The following F13A1 variants were observed in gnomAD, a reference collection of about 807,000 sequenced individuals.
F13A1 encodes FSF, A subunit.
F13A1 carries 47 observed loss-of-function variants against 80.1 expected under a neutral mutation model. The observed-to-expected ratio is 0.59, with a 90% confidence interval of 0.46 to 0.75. F13A1 has a LOEUF of 0.75. F13A1 is among the 30% of genes least tolerant of loss of function. F13A1 has a pLI of 0.00. For missense variants in F13A1, 817 were observed against 930.4 expected (o/e 0.88, Z 1.59); for synonymous variants, 349 against 344.9 (o/e 1.01, Z -0.13).
chr6:6,303,350 T>C (rs1227770873), intron 3 of F13A1, among the ~76,000 whole-genome samples: 4 of 152,160 alleles, frequency 2.6e-5, no homozygotes, highest in Non-Finnish European at 5.9e-5. Context: ...GGGATTCTAA[T>C]TGGAAATGCA....
chr6:6,255,489 G>A (rs971022416), intron 4 of F13A1, among the ~76,000 whole-genome samples: 1 of 152,138 alleles, frequency 6.6e-6, no homozygotes. Context: ...AGGATCGGAT[G>A]ACTGCGTCCC....
At chr6:6,275,755 G>T (rs1184549268) in intron 3 of F13A1, among the ~76,000 whole-genome samples, 1 of 152,178 alleles carries the variant, frequency 6.6e-6, no homozygotes, top group African/African-American at 2.4e-5. Flanking sequence ...TTCAAGCATG[G>T]GAGAACATGC....
intron 11 of F13A1, among the ~76,000 whole-genome samples, chr6:6,179,887 C>T (rs1180296969): frequency 3.3e-5 from 5 of 152,080 alleles, no homozygotes; most frequent in Non-Finnish European, 7.4e-5. Flanking sequence ...ATTTGTTATC[C>T]ACCCCCAGCC....
chr6:6,223,274 C>T (rs920126464), intron 7 of F13A1, among the ~76,000 whole-genome samples: 2 of 152,174 alleles, frequency 1.3e-5, no homozygotes, highest in South Asian at 4.1e-4. Flanking sequence ...ATTGGATAAC[C>T]TTTTTATGCC....
chr6:6,254,033 A>G (rs543095958), intron 4 of F13A1, among the ~76,000 whole-genome samples: 4 of 152,322 alleles, frequency 2.6e-5, no homozygotes, highest in African/African-American at 9.6e-5. Flanking sequence ...TTCAATAAAT[A>G]TATGAAAAAA....
chr6:6,279,823 C>T (rs1190327606), intron 3 of F13A1, among the ~76,000 whole-genome samples: 2 of 152,182 alleles, frequency 1.3e-5, no homozygotes, highest in Admixed American at 1.3e-4. Context: ...AATAAAGTGT[C>T]ATTAGCCAAC....
At chr6:6,272,620 C>T (rs1757938182) in intron 3 of F13A1, among the ~76,000 whole-genome samples, 1 of 152,108 alleles carries the variant, frequency 6.6e-6, no homozygotes, top group Non-Finnish European at 1.5e-5. Flanking sequence ...CGTAGGAGAG[C>T]CAGGGTCACA....
At chr6:6,284,539 A>G (rs569268185) in intron 3 of F13A1, among the ~76,000 whole-genome samples, 1 of 152,286 alleles carries the variant, frequency 6.6e-6, no homozygotes, top group South Asian at 2.1e-4. Context: ...ATAACAGCAG[A>G]CTGATTGCAT....
At chr6:6,274,884 G>A (rs966813794) in intron 3 of F13A1, among the ~76,000 whole-genome samples, 2 of 152,184 alleles carry the variant, frequency 1.3e-5, no homozygotes, top group Admixed American at 6.5e-5. Flanking sequence ...AATAAGGAAA[G>A]GATGGTGCAT....
At chr6:6,210,163 A>G (rs1200606015) in intron 8 of F13A1, among the ~76,000 whole-genome samples, 2 of 151,482 alleles carry the variant, frequency 1.3e-5, no homozygotes, top group African/African-American at 4.8e-5. Context: ...CTGGGAGGTC[A>G]AGGCTGCAGT....
chr6:6,280,780 T>C (rs1171150703), intron 3 of F13A1, among the ~76,000 whole-genome samples: 1 of 152,232 alleles, frequency 6.6e-6, no homozygotes, highest in Non-Finnish European at 1.5e-5. Flanking sequence ...CCCCACTGAT[T>C]TGCCTTTAAT....
At chr6:6,242,332 A>T (rs1351023612) in intron 6 of F13A1, among the ~76,000 whole-genome samples, 1 of 152,194 alleles carries the variant, frequency 6.6e-6, no homozygotes, top group Non-Finnish European at 1.5e-5. Flanking sequence ...TGGTTAAAAA[A>T]GTTTAGTCAT....
At chr6:6,147,537 T>C (rs911471550) in intron 14 of F13A1, among the ~76,000 whole-genome samples, 3 of 152,216 alleles carry the variant, frequency 2.0e-5, no homozygotes, top group African/African-American at 4.8e-5. Flanking sequence ...GGGATATTTA[T>C]TTCTCAACAG....
intron 6 of F13A1, among the ~76,000 whole-genome samples, chr6:6,229,239 G>A (rs553829474): frequency 1.2e-4 from 18 of 152,164 alleles, no homozygotes; most frequent in African/African-American, 4.1e-4. Flanking sequence ...GAGAGGGAGA[G>A]ATCATGAAAA....
At chr6:6,211,568 A>G (rs779404762) in intron 8 of F13A1, among the ~76,000 whole-genome samples, 5 of 152,254 alleles carry the variant, frequency 3.3e-5, no homozygotes, top group Non-Finnish European at 5.9e-5. Flanking sequence ...TGCTTTGCAG[A>G]CAGTGATTAA....
intron 4 of F13A1, 99 bp downstream of exon 4, chr6:6,266,459 A>G: frequency 6.3e-7 from 1 of 1,589,154 alleles, no homozygotes; most frequent in Non-Finnish European, 8.6e-7. Flanking sequence ...CGATCCTCCC[A>G]TCTTGGCCTC....
chr6:6,173,467 G>A (rs1760812165), intron 12 of F13A1, among the ~76,000 whole-genome samples: 1 of 150,850 alleles, frequency 6.6e-6, no homozygotes, highest in Non-Finnish European at 1.5e-5. Flanking sequence ...GAGGGCAGTG[G>A]CACGATCTCA....
At position 6,145,559 on chromosome 6, in the gene F13A1, T is replaced by A. The variant is rs1256509127; in HGVS notation, c.*60A>T. On this transcript the variant is annotated 3_prime_UTR_variant, in exon 15 of 15. Transcript: ENST00000264870. ...AGCAAGAGCTATTTTTGCGTTAGAA[T>A]TTCCTTAGCCAAGACTACAAGAGGC... 3 of 1,611,440 alleles carry A rather than the reference T, an allele frequency of 1.9e-6. No individual in the cohort carries two copies. The highest frequency in any genetic ancestry group is 2.5e-6 in the Non-Finnish European group (3 of 1,177,796).
At chr6:6,220,542 T>TGA (rs1491105299) in intron 8 of F13A1, among the ~76,000 whole-genome samples, 8 of 132,754 alleles carry the variant, frequency 6.0e-5, no homozygotes, top group African/African-American at 3.0e-4. Context: ...CTACAAAGGC[T>TGA]GTGTGTGTGT....
Sources: allele counts gnomAD v4.1 joint callset (sites outside exome capture counted in the v4.1 genomes callset), GRCh38; gene constraint gnomAD v4.1.1; transcripts MANE v1.5; gene names NCBI Gene and HGNC (gene_info 2026-07-23, HGNC 2026-07-21).